The following FAAH2 variants were observed in gnomAD, a reference collection of about 807,000 sequenced individuals.
The protein encoded by FAAH2 is fatty acid amide hydrolase 2.
FAAH2 carries 60 observed loss-of-function variants against 36.9 expected under a neutral mutation model. The ratio of observed to expected loss-of-function variants is 1.63; its 90% CI spans 1.32 to 2.02. The LOEUF (loss-of-function observed/expected upper bound fraction) is 2.02. FAAH2 is among the 30% of genes most tolerant of loss of function. The probability of loss-of-function intolerance (pLI) is 0.00; values close to 1 mark genes in which losing one functional copy is unlikely to be tolerated. For missense variants in FAAH2, 689 were observed against 397.5 expected (o/e 1.73, Z -6.23); for synonymous variants, 214 against 143.8 (o/e 1.49, Z -3.49).
At chrX:57,442,480 C>T (rs1416950964) in intron 8 of FAAH2, among the ~76,000 whole-genome samples, 1 of 111,046 alleles carries the variant, frequency 9.0e-6, no homozygotes, top group Non-Finnish European at 1.9e-5. Context: ...TCCTCCATCC[C>T]TTTATTTTGA....
the FAAH2 span, among the ~76,000 whole-genome samples, chrX:57,270,637 T>G: frequency 9.0e-6 from 1 of 111,686 alleles, no homozygotes; most frequent in South Asian, 3.8e-4. Flanking sequence ...CGTACCCGGT[T>G]CATCTCAATG....
the FAAH2 span, chrX:57,137,005 A>C: frequency 1.2e-6 from 1 of 852,344 alleles, no homozygotes; most frequent in South Asian, 4.9e-5. Context: ...GCCTATCCTA[A>C]CCACTTCCCT....
chrX:57,145,056 T>C, the FAAH2 span, among the ~76,000 whole-genome samples: 6 of 111,336 alleles, frequency 5.4e-5, no homozygotes, highest in African/African-American at 2.0e-4. Flanking sequence ...CTTTTTTGTA[T>C]AATGACTTTT....
chrX:57,432,062 A>G, intron 8 of FAAH2, 25 bp downstream of exon 8: 1 of 1,165,616 alleles, frequency 8.6e-7, no homozygotes, highest in Non-Finnish European at 1.2e-6. Context: ...TTCTTTACTT[A>G]CTTTTTTCTT....
intron 7 of FAAH2, among the ~76,000 whole-genome samples, chrX:57,423,581 AG>A (rs1394494151): frequency 8.9e-6 from 1 of 111,957 alleles, no homozygotes; most frequent in Non-Finnish European, 1.9e-5. Context: ...GCCACATGCT[AG>A]GGTTTGAATT....
At chrX:57,478,368 C>A (rs890252650) in intron 10 of FAAH2, among the ~76,000 whole-genome samples, 1 of 110,878 alleles carries the variant, frequency 9.0e-6, no homozygotes, top group African/African-American at 3.3e-5. Flanking sequence ...TGTTTGAGTT[C>A]ATTGTAGATT....
chrX:57,242,061 G>T, the FAAH2 span, among the ~76,000 whole-genome samples: 1 of 112,745 alleles, frequency 8.9e-6, no homozygotes. Flanking sequence ...AGAGAGCAGC[G>T]TATCCTGACA....
intron 10 of FAAH2, among the ~76,000 whole-genome samples, chrX:57,464,974 A>G (rs1280193119): frequency 8.9e-6 from 1 of 112,189 alleles, no homozygotes; most frequent in Non-Finnish European, 1.9e-5. Context: ...ACAACTAAAG[A>G]AAACCATGTT....
At chrX:57,196,774 G>T in the FAAH2 span, among the ~76,000 whole-genome samples, 16 of 111,060 alleles carry the variant, frequency 1.4e-4, no homozygotes, top group African/African-American at 5.2e-4. Context: ...AAAAAAATTT[G>T]GGTACCTGAT....
intron 10 of FAAH2, among the ~76,000 whole-genome samples, chrX:57,467,467 T>C (rs1425483072): frequency 8.9e-6 from 1 of 111,902 alleles, no homozygotes; most frequent in Non-Finnish European, 1.9e-5. Context: ...TGCACCTGGC[T>C]CAGAGGGTCC....
chrX:57,385,525 G>A (rs1302429789), intron 7 of FAAH2, among the ~76,000 whole-genome samples: 2 of 111,619 alleles, frequency 1.8e-5, no homozygotes, highest in Non-Finnish European at 3.8e-5. Context: ...CATGGCAGAA[G>A]GGTGGAAGAG....
the FAAH2 span, among the ~76,000 whole-genome samples, chrX:57,187,048 G>A: frequency 0.024 from 2,726 of 111,378 alleles, 97 homozygotes; most frequent in African/African-American, 0.084. Context: ...GGCTACACAG[G>A]CTCATTTTTG....
At chrX:57,387,916 C>T (rs2055066756) in intron 7 of FAAH2, among the ~76,000 whole-genome samples, 1 of 111,125 alleles carries the variant, frequency 9.0e-6, no homozygotes, top group Non-Finnish European at 1.9e-5. Context: ...ATTATTACAT[C>T]ATTGGAGGTG....
At chrX:57,418,936 C>A (rs984474698) in intron 7 of FAAH2, among the ~76,000 whole-genome samples, 10 of 95,226 alleles carry the variant, frequency 1.1e-4, no homozygotes, top group African/African-American at 3.5e-4. Context: ...TCTCGTTGTT[C>A]AATTCCCACC....
the FAAH2 span, among the ~76,000 whole-genome samples, chrX:57,238,036 T>G: frequency 8.9e-6 from 1 of 111,924 alleles, no homozygotes; most frequent in East Asian, 2.8e-4. Context: ...GGAACACTTA[T>G]ACACTGTTTG....
At chrX:57,345,184 C>T (rs765571693) in intron 5 of FAAH2, among the ~76,000 whole-genome samples, 7 of 105,766 alleles carry the variant, frequency 6.6e-5, no homozygotes, top group Non-Finnish European at 1.2e-4. Flanking sequence ...CTTCCCTTCC[C>T]TTCCCTCCTC....
intron 7 of FAAH2, chrX:57,393,560 C>T: frequency 5.3e-6 from 5 of 944,926 alleles, no homozygotes; most frequent in Non-Finnish European, 7.7e-6. Context: ...CACTGGAGTG[C>T]CCTCCAATCT....
intron 7 of FAAH2, among the ~76,000 whole-genome samples, chrX:57,421,856 A>C (rs1004262204): frequency 1.8e-5 from 2 of 111,844 alleles, no homozygotes; most frequent in Non-Finnish European, 3.8e-5. Context: ...ATGTTTTCCC[A>C]ATAAGTCTAG....
At chrX:57,451,148 T>A (rs921819872) in intron 10 of FAAH2, among the ~76,000 whole-genome samples, 4 of 111,600 alleles carry the variant, frequency 3.6e-5, no homozygotes, top group African/African-American at 1.3e-4. Context: ...GCCCTATGAT[T>A]TCAGAGGAAG....
Sources: gnomAD v4.1 joint callset for allele counts (sites outside exome capture counted in the v4.1 genomes callset) on GRCh38, gnomAD v4.1.1 for gene constraint, MANE v1.5 for transcripts, NCBI Gene and HGNC (gene_info 2026-07-23, HGNC 2026-07-21) for gene names.